Variants in GPR160 observed in about 807,000 individuals in gnomAD.
The protein encoded by GPR160 is probable G protein-coupled receptor 160.
Under a neutral mutation model 2.6 loss-of-function variants are expected in GPR160, and 2 were observed. The ratio of observed to expected loss-of-function variants is 0.77; its 90% CI spans 0.32 to 2.44. The LOEUF (loss-of-function observed/expected upper bound fraction) is 2.44, where lower values mean the gene tolerates loss of function less well. Among genes scored for constraint, GPR160 ranks in the 30% most tolerant of loss-of-function variants. The probability of loss-of-function intolerance (pLI) is 0.11; values close to 1 mark genes in which losing one functional copy is unlikely to be tolerated. For synonymous variants in GPR160, 130 were observed against 132.2 expected (o/e 0.98, Z 0.12); for missense variants, 351 against 383.6 (o/e 0.91, Z 0.71).
intron 2 of GPR160, among the ~76,000 whole-genome samples, chr3:170,074,406 A>G (rs144597741): frequency 6.6e-6 from 1 of 152,014 alleles, no homozygotes; most frequent in East Asian, 1.9e-4. Context: ...TTTTCCCCTA[A>G]AGAAGCAGTT....
At chr3:170,041,429 G>A (rs1374952297) in intron 2 of GPR160, among the ~76,000 whole-genome samples, 1 of 151,560 alleles carries the variant, frequency 6.6e-6, no homozygotes, top group Non-Finnish European at 1.5e-5. Context: ...AGCCTCCCGA[G>A]CAGCTGGGAC....
chr3:170,065,096 A>T, intron 2 of GPR160, among the ~76,000 whole-genome samples: 1 of 152,240 alleles, frequency 6.6e-6, no homozygotes, highest in Admixed American at 6.5e-5. Context: ...TATTTAAACA[A>T]ATGAGGAAAT....
At chr3:170,055,788 CA>C (rs140045024) in intron 2 of GPR160, among the ~76,000 whole-genome samples, 7,339 of 152,256 alleles carry the variant, frequency 0.048, 550 homozygotes, top group African/African-American at 0.17. Context: ...GTGTCTGCCA[CA>C]ACGCCTGTCT....
At chr3:170,043,650 A>G (rs1255165180) in intron 2 of GPR160, among the ~76,000 whole-genome samples, 1 of 152,184 alleles carries the variant, frequency 6.6e-6, no homozygotes, top group Non-Finnish European at 1.5e-5. Context: ...GCAGTTTCAC[A>G]CTACCTTTAG....
In GPR160 at chr3:170,048,742, A is replaced by G. The variant is rs115045224; in HGVS notation, c.-193+9699A>G. ...GTGTAAAAAGTAAACATGTACCTCT[A>G]TTCTCACCAACCAGTTGCTGTTTGT... On this transcript the variant is annotated intron_variant, in intron 2 of 3. Coordinates refer to ENST00000355897, the MANE Select transcript of GPR160 (RefSeq NM_014373.3). 4.9e-3 allele frequency among the ~76,000 whole-genome samples: 750 copies of G among 152,338 alleles called. 5 individuals are homozygous for G. The highest frequency in any genetic ancestry group is 0.017 in the African/African-American group (711 of 41,574).
chr3:170,056,786 G>A (rs1476122081), intron 2 of GPR160, among the ~76,000 whole-genome samples: 2 of 152,214 alleles, frequency 1.3e-5, no homozygotes, highest in Admixed American at 1.3e-4. Flanking sequence ...ATTGGAGAAT[G>A]ATTGGCACTG....
chr3:170,072,517 A>T (rs1242544837), intron 2 of GPR160, among the ~76,000 whole-genome samples: 3 of 152,174 alleles, frequency 2.0e-5, no homozygotes, highest in Non-Finnish European at 4.4e-5. Context: ...AAAGAGGTTT[A>T]TTTGGCTCAT....
intron 2 of GPR160, among the ~76,000 whole-genome samples, chr3:170,072,573 G>C (rs1032158609): frequency 6.6e-6 from 1 of 152,166 alleles, no homozygotes; most frequent in African/African-American, 2.4e-5. Context: ...ATCTGCTTCT[G>C]TTGAGGCCTC....
At chr3:170,072,025 G>C (rs2108339641) in intron 2 of GPR160, among the ~76,000 whole-genome samples, 1 of 151,324 alleles carries the variant, frequency 6.6e-6, no homozygotes, top group East Asian at 1.9e-4. Flanking sequence ...TCCACTCTGG[G>C]GCCATTGGTG....
chr3:170,039,685 G>A (rs1454735433), intron 2 of GPR160, among the ~76,000 whole-genome samples: 4 of 152,214 alleles, frequency 2.6e-5, no homozygotes, highest in African/African-American at 4.8e-5. Flanking sequence ...CTCCAGCCTG[G>A]GAGGCAGAGC....
intron 2 of GPR160, among the ~76,000 whole-genome samples, chr3:170,064,918 G>A (rs1712234113): frequency 6.6e-6 from 1 of 152,078 alleles, no homozygotes; most frequent in South Asian, 2.1e-4. Flanking sequence ...AGGTATGAGA[G>A]CCTGTCCTCG....
chr3:170,064,314 G>A (rs1712174471), intron 2 of GPR160, among the ~76,000 whole-genome samples: 2 of 152,066 alleles, frequency 1.3e-5, no homozygotes, highest in South Asian at 2.1e-4. Flanking sequence ...ATGAGCTGGC[G>A]GGGGTGAGTA....
chr3:170,049,781 T>C (rs1200350284), intron 2 of GPR160: 1 of 152,310 alleles, frequency 6.6e-6, no homozygotes, highest in Non-Finnish European at 1.5e-5. Flanking sequence ...TCACAGTAGA[T>C]GTCACTGACC....
intron 2 of GPR160, among the ~76,000 whole-genome samples, chr3:170,067,679 C>T (rs1348094627): frequency 6.6e-6 from 1 of 152,080 alleles, no homozygotes; most frequent in Non-Finnish European, 1.5e-5. Flanking sequence ...CTTTTACAGT[C>T]ATCAGCACTT....
At chr3:170,079,969 A>G (rs1559993356) in intron 3 of GPR160, 72 bp downstream of exon 3, 3 of 152,214 alleles carry the variant, frequency 2.0e-5, no homozygotes, top group Non-Finnish European at 2.9e-5. Context: ...GTGAAACGAA[A>G]TCATGGTTTG....
At chr3:170,044,945 T>G (rs7621163) in intron 2 of GPR160, among the ~76,000 whole-genome samples, 2,995 of 152,246 alleles carry the variant, frequency 0.02, 90 homozygotes, top group African/African-American at 0.068. Context: ...AAGGGTGGCT[T>G]AATTTCCTTG....
chr3:170,064,836 CTGAG>C (rs1203232179), intron 2 of GPR160, among the ~76,000 whole-genome samples: 1 of 152,154 alleles, frequency 6.6e-6, no homozygotes, highest in Non-Finnish European at 1.5e-5. Flanking sequence ...CCCATTCTTA[CTGAG>C]TGAGACTCGG....
intron 2 of GPR160, among the ~76,000 whole-genome samples, chr3:170,060,601 A>G (rs1419140348): frequency 1.3e-5 from 2 of 151,896 alleles, no homozygotes; most frequent in Non-Finnish European, 2.9e-5. Context: ...TCTCTACAAA[A>G]CAGTATTTTA....
intron 2 of GPR160, among the ~76,000 whole-genome samples, chr3:170,047,824 A>G (rs1178557636): frequency 6.6e-6 from 1 of 151,320 alleles, no homozygotes; most frequent in African/African-American, 2.4e-5. Context: ...ATGGAACTGA[A>G]GGACATTATT....
Sources: allele counts gnomAD v4.1 joint callset (sites outside exome capture counted in the v4.1 genomes callset), GRCh38; gene constraint gnomAD v4.1.1; transcripts MANE v1.5; gene names NCBI Gene and HGNC (gene_info 2026-07-23, HGNC 2026-07-21).